The following RBM7 variants were observed in gnomAD, a reference collection of about 807,000 sequenced individuals.
The protein encoded by RBM7 is RNA binding motif protein 7, also known as RNA-binding protein 7.
RBM7 carries 13 observed loss-of-function variants against 31.0 expected under a neutral mutation model. The ratio of observed to expected loss-of-function variants is 0.42; its 90% CI spans 0.27 to 0.67. The LOEUF (loss-of-function observed/expected upper bound fraction) is 0.67, where lower values mean the gene tolerates loss of function less well. Ranked by LOEUF, RBM7 falls within the 30% of genes least tolerant of loss-of-function variation. The pLI, the probability that RBM7 is intolerant of heterozygous loss-of-function variation, is 0.24. For synonymous variants in RBM7, 106 were observed against 111.2 expected (o/e 0.95, Z 0.30); for missense variants, 245 against 326.2 (o/e 0.75, Z 1.92).
chr11:114,405,861 G>C, intron 4 of RBM7, 62 bp downstream of exon 4: 1 of 1,186,266 alleles, frequency 8.4e-7, no homozygotes. Context: ...TAAAATGTTC[G>C]CATTGTATCA....
intron 2 of RBM7, among the ~76,000 whole-genome samples, chr11:114,402,467 A>T (rs1376777373): frequency 5.6e-5 from 7 of 124,704 alleles, no homozygotes; most frequent in African/African-American, 2.1e-4. Flanking sequence ...GCAGTGGTGC[A>T]ATTTCAGCTC....
rs1395068170 is a variant in RBM7, at chr11:114,409,124, G to C, written c.*1317G>C. On this transcript the variant is annotated 3_prime_UTR_variant, in exon 5 of 5. Transcript: ENST00000375490. ...CTCGATTATAGCTTGGAGTACTTTA[G>C]TTACCCTCAGTGGTCTCTAGGAGTT... The C allele has an allele frequency of 1.3e-5, 2 of 152,036 alleles. No homozygotes were observed. Among genetic ancestry groups the C allele is most frequent in the African/African-American group, 4.8e-5 (2 of 41,408 alleles). 9.4% of individuals were successfully genotyped at this position (152,036 alleles called of 1,614,324 possible).
rs1049328160 is a variant in RBM7 at position 114,410,313 on chromosome 11, A to G, written c.*2506A>G. On this transcript the variant is annotated 3_prime_UTR_variant, in exon 5 of 5. Coordinates refer to ENST00000375490, the MANE Select transcript of RBM7 (RefSeq NM_001286045.2). ...CTTTTACTCAAAAACAGCACCATAA[A>G]ATTTCTGACAAGTACTATAGGTAAA... The G allele has an allele frequency of 6.6e-6, 1 of 152,154 alleles. No individual in the cohort carries two copies. Among genetic ancestry groups the G allele is most frequent in the African/African-American group, 2.4e-5 (1 of 41,432 alleles). 9.4% of individuals were successfully genotyped at this position (152,154 alleles called of 1,614,324 possible). A position where few individuals can be genotyped will look rare whatever the true frequency, so the allele number is the denominator to read the frequency against.
rs183717123 is a variant in RBM7 at position 114,407,352 on chromosome 11, A to G, written c.442-93A>G. ...TTGTGGATCCATCTAGGCAAGAGTG[A>G]CTTTATTTTCTTTCATTTTCTGTTA... On this transcript the variant is annotated intron_variant, in intron 4 of 4. Coordinates refer to ENST00000375490, the MANE Select transcript of RBM7 (RefSeq NM_001286045.2). 1.2e-5 allele frequency: 16 copies of G among 1,358,794 alleles called. No individual in the cohort carries two copies. The East Asian group carries it at 3.5e-4, about 29-fold the overall frequency. The allele number at this position is 1,358,794 out of a possible 1,614,324, so 84.2% of individuals were successfully genotyped here. A position where few individuals can be genotyped will look rare whatever the true frequency, so the allele number is the denominator to read the frequency against.
chr11:114,403,700 G>T (rs1946232539), intron 3 of RBM7, among the ~76,000 whole-genome samples: 2 of 152,088 alleles, frequency 1.3e-5, no homozygotes, highest in East Asian at 3.8e-4. Context: ...TTTTATGAGG[G>T]TAGGGATTAT....
At chr11:114,402,184 T>C (rs1946211169) in intron 2 of RBM7, 1 of 224,532 alleles carries the variant, frequency 4.5e-6, no homozygotes, top group South Asian at 7.5e-5. Flanking sequence ...TGCTTTGTAA[T>C]TACTTTTATA....
Position 114,407,920 on chromosome 11 carries a change from T to A in RBM7, c.*113T>A. 1.6e-6 allele frequency: 2 copies of A among 1,266,850 alleles called. No individual in the cohort carries two copies. Among genetic ancestry groups the A allele is most frequent in the Non-Finnish European group, 2.1e-6 (2 of 953,062 alleles). The allele number at this position is 1,266,850 out of a possible 1,614,324, so 78.5% of individuals were successfully genotyped here. ...AGAGCAGCTTTACAAGTTGTCACAT[T>A]TCTTTATAAATTTTTTTAAAGCTAC... On this transcript the variant is annotated 3_prime_UTR_variant, in exon 5 of 5. Coordinates refer to ENST00000375490, the MANE Select transcript of RBM7 (RefSeq NM_001286045.2).
At position 114,409,316 on chromosome 11, in the gene RBM7, A is replaced by G. The variant is rs1946309013; in HGVS notation, c.*1509A>G. On this transcript the variant is annotated 3_prime_UTR_variant, in exon 5 of 5. Transcript: ENST00000375490. ...ATTATTATTTTTGGGTATCTTATCC[A>G]TATGAAAACTTAGTAGGTTTGTAGA... 6.6e-6 allele frequency: 1 copy of G among 152,138 alleles called. No homozygotes were observed. Among genetic ancestry groups the G allele is most frequent in the Non-Finnish European group, 1.5e-5 (1 of 68,022 alleles). The allele number at this position is 152,138 out of a possible 1,614,324, so 9.4% of individuals were successfully genotyped here.
chr11:114,403,454 G>A (rs997737470), intron 3 of RBM7, among the ~76,000 whole-genome samples: 1 of 152,088 alleles, frequency 6.6e-6, no homozygotes, highest in African/African-American at 2.4e-5. Context: ...AGGAAAATAA[G>A]TTGAATTAAA....
Position 114,405,811 on chromosome 11 carries a change from A to T in RBM7, c.441+12A>T. 1 of 1,520,384 alleles carries T rather than the reference A, an allele frequency of 6.6e-7. No homozygotes were observed. Among genetic ancestry groups the T allele is most frequent in the Non-Finnish European group, 8.9e-7 (1 of 1,118,532 alleles). 94.2% of individuals were successfully genotyped at this position (1,520,384 alleles called of 1,614,324 possible). A position where few individuals can be genotyped will look rare whatever the true frequency, so the allele number is the denominator to read the frequency against. ...AGAGACAAGCAGTGGTAGGTTGACT[A>T]TTTTTCAACTTGAATTGCCAAAAAA... On this transcript the variant is annotated intron_variant, in intron 4 of 4. Coordinates refer to ENST00000375490, the MANE Select transcript of RBM7 (RefSeq NM_001286045.2).
intron 3 of RBM7, among the ~76,000 whole-genome samples, chr11:114,403,338 C>T (rs1946228557): frequency 6.6e-6 from 1 of 152,172 alleles, no homozygotes; most frequent in Non-Finnish European, 1.5e-5. Context: ...AGTTAGTCAA[C>T]AGTCTATTGG....
chr11:114,403,346 TGGACTAA>T (rs1946228683), intron 3 of RBM7, among the ~76,000 whole-genome samples: 1 of 152,218 alleles, frequency 6.6e-6, no homozygotes, highest in Admixed American at 6.5e-5. Flanking sequence ...AACAGTCTAT[TGGACTAA>T]GAATTCCTAG....
chr11:114,400,899 C>A, intron 1 of RBM7, 132 bp downstream of exon 1: 1 of 1,028,770 alleles, frequency 9.7e-7, no homozygotes, highest in Non-Finnish European at 1.4e-6. Flanking sequence ...AAAGGCGGGT[C>A]TGGGTTGCGA....
chr11:114,405,687 A>G lies in RBM7; in HGVS notation c.348-19A>G, dbSNP rs375180354. The G allele has an allele frequency of 2.7e-6, 4 of 1,495,826 alleles. No homozygotes were observed. Among genetic ancestry groups the G allele is most frequent in the South Asian group, 1.2e-5 (1 of 82,280 alleles). The allele number at this position is 1,495,826 out of a possible 1,614,324, so 92.7% of individuals were successfully genotyped here. On this transcript the variant is annotated intron_variant, in intron 3 of 4. Transcript: ENST00000375490. ...AAATATTTATTGAATGAATGGTTAC[A>G]TGTTGGTTTTCTTTTTAGCAGGTAC...
chr11:114,403,481 T>G (rs188277291), intron 3 of RBM7, among the ~76,000 whole-genome samples: 300 of 152,342 alleles, frequency 2.0e-3, no homozygotes, highest in African/African-American at 6.9e-3. Context: ...GTAAAATCTC[T>G]TCAGGTACTG....
chr11:114,409,080 A>T lies in RBM7; in HGVS notation c.*1273A>T, dbSNP rs573079844. ...TACATATAGAGCATGATGTTTCACA[A>T]TCAGATTTTCAGTGACCCCTCGATT... On this transcript the variant is annotated 3_prime_UTR_variant, in exon 5 of 5. Coordinates refer to ENST00000375490, the MANE Select transcript of RBM7 (RefSeq NM_001286045.2). 1 of 152,204 alleles carries T rather than the reference A, an allele frequency of 6.6e-6. No homozygotes were observed. The highest frequency in any genetic ancestry group is 1.5e-5 in the Non-Finnish European group (1 of 68,018). The allele number at this position is 152,204 out of a possible 1,614,324, so 9.4% of individuals were successfully genotyped here. A position where few individuals can be genotyped will look rare whatever the true frequency, so the allele number is the denominator to read the frequency against.
At chr11:114,403,070 C>G (rs1003679534) in intron 3 of RBM7, among the ~76,000 whole-genome samples, 155 bp downstream of exon 3, 1 of 152,072 alleles carries the variant, frequency 6.6e-6, no homozygotes, top group Non-Finnish European at 1.5e-5. Context: ...TGTATCTATT[C>G]TAAGGGGTAT....
In RBM7 at chr11:114,407,606, C is replaced by T. The variant is rs751250790; in HGVS notation, c.603C>T (p.Val201=). The stretch of plus-strand genomic sequence containing the variant: ...GTACACCATCATCACAGCGTAAAGT[C>T]AGAATGAATTCTTATCCCTACCTAG... The part of the protein sequence containing the change: ...RQGTPSSQRK[V]RMNSYPYLAD... Residue 201 remains valine, a synonymous_variant, in exon 5 of 5, where the codon GTC becomes GTT. Transcript: ENST00000375490. 6 of 1,614,090 alleles carry T rather than the reference C, an allele frequency of 3.7e-6. No individual in the cohort carries two copies. Among genetic ancestry groups the T allele is most frequent in the Non-Finnish European group, 5.1e-6 (6 of 1,180,004 alleles).
intron 3 of RBM7, among the ~76,000 whole-genome samples, chr11:114,403,804 G>A (rs2135352001): frequency 1.3e-5 from 2 of 152,282 alleles, no homozygotes; most frequent in Admixed American, 1.3e-4. Context: ...GCAGTGTAGT[G>A]TGATTGAGCC....
Sources: allele counts gnomAD v4.1 joint callset (sites outside exome capture counted in the v4.1 genomes callset), GRCh38; gene constraint gnomAD v4.1.1; transcripts MANE v1.5; gene names NCBI Gene and HGNC (gene_info 2026-07-23, HGNC 2026-07-21).